The following DOCK7 variants were observed in gnomAD, a reference collection of about 807,000 sequenced individuals.
DOCK7 encodes dedicator of cytokinesis 7, also known as dedicator of cytokinesis protein 7.
A neutral mutation model predicts 271.0 loss-of-function variants in DOCK7; 138 were observed. That is an observed-to-expected ratio of 0.51 (90% CI 0.44 to 0.59). DOCK7 has a LOEUF of 0.59. Among genes scored for constraint, DOCK7 ranks in the 20% least tolerant of loss-of-function variants. The probability of loss-of-function intolerance (pLI) is 0.00; values close to 1 mark genes in which losing one functional copy is unlikely to be tolerated. For missense variants in DOCK7, 2,066 were observed against 2,592.4 expected (o/e 0.80, Z 4.41); for synonymous variants, 823 against 876.1 (o/e 0.94, Z 1.07).
chr1:62,553,263 G>A (rs1395965130), intron 21 of DOCK7, among the ~76,000 whole-genome samples: 1 of 138,132 alleles, frequency 7.2e-6, no homozygotes, highest in African/African-American at 2.7e-5. Flanking sequence ...TCAATCTCTT[G>A]ACCTTGCGAT....
chr1:62,468,925 C>A (rs1645754391), intron 48 of DOCK7, among the ~76,000 whole-genome samples: 1 of 152,100 alleles, frequency 6.6e-6, no homozygotes, highest in African/African-American at 2.4e-5. Context: ...TCACAGACGA[C>A]ACTAACAAAT....
intron 12 of DOCK7, among the ~76,000 whole-genome samples, chr1:62,621,953 C>T (rs1465876801): frequency 6.6e-6 from 1 of 152,204 alleles, no homozygotes; most frequent in Admixed American, 6.5e-5. Context: ...TTATTGGTCT[C>T]CATTCTTTAC....
intron 48 of DOCK7, among the ~76,000 whole-genome samples, chr1:62,469,115 C>G (rs572974569): frequency 5.9e-5 from 9 of 152,208 alleles, no homozygotes; most frequent in Non-Finnish European, 8.8e-5. Flanking sequence ...ATAGCCAAAG[C>G]GAGACTAAGC....
rs2149295002 is a variant in DOCK7 at position 62,492,833 on chromosome 1, A to G, written c.5232T>C (p.Asn1744=). 6.2e-7 allele frequency: 1 copy of G among 1,611,026 alleles called. No individual in the cohort carries two copies. Among genetic ancestry groups the G allele is most frequent in the Non-Finnish European group, 8.5e-7 (1 of 1,178,930 alleles). ...GCVTFQNISS[N]VLEESAVSDD... is the part of the protein sequence containing the mutation. Reference sequence around the variant, plus strand: ...CTGAGACCGCAGATTCTTCTAAAACATTAGATGAAATATTCTAGGGAAAAA... The same window carrying G: ...CTGAGACCGCAGATTCTTCTAAAACGTTAGATGAAATATTCTAGGGAAAAA... The change falls in exon 41 of 50, where the codon AAT becomes AAC. Residue 1744 remains asparagine (N), a synonymous_variant. Coordinates refer to ENST00000635253, the MANE Select transcript of DOCK7 (RefSeq NM_001367561.1).
intron 31 of DOCK7, among the ~76,000 whole-genome samples, chr1:62,518,928 TCTAA>T (rs779920640): frequency 6.4e-4 from 97 of 151,512 alleles, no homozygotes; most frequent in South Asian, 1.2e-3. Flanking sequence ...AAGAAAAAAA[TCTAA>T]CTATATGCTG....
chr1:62,597,819 C>G (rs766843384), intron 14 of DOCK7: 2 of 1,612,742 alleles, frequency 1.2e-6, no homozygotes, highest in Admixed American at 1.7e-5. Flanking sequence ...TTTTTATGAT[C>G]TATCGCTGCA....
chr1:62,687,489 C>T (rs1292437620), intron 1 of DOCK7: 2 of 151,882 alleles, frequency 1.3e-5, no homozygotes, highest in Non-Finnish European at 2.9e-5. Context: ...CTCGGGTGCT[C>T]TGAGAAACAC....
chr1:62,668,497 GT>G (rs1012309213), intron 1 of DOCK7, among the ~76,000 whole-genome samples: 3 of 152,122 alleles, frequency 2.0e-5, no homozygotes, highest in African/African-American at 7.2e-5. Flanking sequence ...AGTCATTAGG[GT>G]TTTTTTAAAA....
intron 14 of DOCK7, among the ~76,000 whole-genome samples, chr1:62,602,777 T>C (rs1227298515): frequency 5.3e-5 from 8 of 151,520 alleles, no homozygotes. Flanking sequence ...TATCAATTAA[T>C]TGGAAGTTAA....
intron 31 of DOCK7, among the ~76,000 whole-genome samples, chr1:62,523,775 T>C (rs1644919653): frequency 6.6e-6 from 1 of 151,880 alleles, no homozygotes; most frequent in South Asian, 2.1e-4. Flanking sequence ...GCTGAGGCAG[T>C]AGAATGGTGT....
intron 28 of DOCK7, among the ~76,000 whole-genome samples, chr1:62,535,922 T>G (rs1645330803): frequency 6.6e-6 from 1 of 152,190 alleles, no homozygotes; most frequent in African/African-American, 2.4e-5. Flanking sequence ...CTTAGCCACT[T>G]TTCAATACCA....
chr1:62,585,465 T>C (rs1647386484), intron 15 of DOCK7, among the ~76,000 whole-genome samples: 1 of 152,198 alleles, frequency 6.6e-6, no homozygotes. Flanking sequence ...TGACTTCAGC[T>C]GAGCCAAAAA....
intron 23 of DOCK7, 70 bp from the exon 24 acceptor site, chr1:62,543,815 G>T: frequency 9.1e-7 from 1 of 1,096,002 alleles, no homozygotes. Context: ...GCAGCTGATG[G>T]ATTATGTACA....
intron 1 of DOCK7, among the ~76,000 whole-genome samples, chr1:62,666,577 A>G (rs1170502193): frequency 6.6e-6 from 1 of 152,222 alleles, no homozygotes; most frequent in Non-Finnish European, 1.5e-5. Flanking sequence ...AATGGTAGTG[A>G]AGGAATCTTC....
chr1:62,586,382 G>A, intron 15 of DOCK7, 125 bp downstream of exon 15: 1 of 637,790 alleles, frequency 1.6e-6, no homozygotes, highest in Non-Finnish European at 2.7e-6. Context: ...AGAAAGTAAT[G>A]CAGTTAGAAA....
intron 14 of DOCK7, among the ~76,000 whole-genome samples, chr1:62,618,353 C>A (rs1242145137): frequency 6.6e-6 from 1 of 152,010 alleles, no homozygotes; most frequent in African/African-American, 2.4e-5. Flanking sequence ...AATGTTTTAA[C>A]CTAAAGGCCC....
Position 62,455,014 on chromosome 1 carries a change from G to C in DOCK7, c.*400C>G. 2.5e-6 allele frequency: 1 copy of C among 403,074 alleles called. No homozygotes were observed. Among genetic ancestry groups the C allele is most frequent in the Non-Finnish European group, 4.4e-6 (1 of 227,984 alleles). The allele number at this position is 403,074 out of a possible 1,614,324, so 25.0% of individuals were successfully genotyped here. On this transcript the variant is annotated 3_prime_UTR_variant, in exon 50 of 50. Coordinates refer to ENST00000635253, the MANE Select transcript of DOCK7 (RefSeq NM_001367561.1). ...TTTGAAGTCCCACTCGGTAAAATTA[G>C]TGTAAACATTCACATATTTAATAGT...
Position 62,619,660 on chromosome 1 carries a change from C to T in DOCK7, c.1519+240G>A, listed in dbSNP as rs576673581. Among the ~76,000 whole-genome samples the T allele has an allele frequency of 1.2e-3, 180 of 152,140 alleles. 1 individual carries two copies. The highest frequency in any genetic ancestry group is 3.9e-3 in the African/African-American group (161 of 41,490). ...GGTTGACTACAGGTAACTGAAACTACGGAAAGAGAAACAATAGGTAAGTGG... is the reference window on the plus strand; with the variant it reads ...GGTTGACTACAGGTAACTGAAACTATGGAAAGAGAAACAATAGGTAAGTGG... On this transcript the variant is annotated intron_variant, in intron 13 of 49. Coordinates refer to ENST00000635253, the MANE Select transcript of DOCK7 (RefSeq NM_001367561.1).
intron 31 of DOCK7, among the ~76,000 whole-genome samples, chr1:62,518,491 G>A (rs995086020): frequency 3.3e-5 from 5 of 151,110 alleles, no homozygotes; most frequent in African/African-American, 1.2e-4. Context: ...GGAGAATGGC[G>A]TGAACCCAGG....
Sources: gnomAD v4.1 joint callset for allele counts (sites outside exome capture counted in the v4.1 genomes callset) on GRCh38, gnomAD v4.1.1 for gene constraint, MANE v1.5 for transcripts, NCBI Gene and HGNC (gene_info 2026-07-23, HGNC 2026-07-21) for gene names.